Variants in OSBPL9 observed in about 807,000 individuals in gnomAD.
OSBPL9 encodes the protein oxysterol binding protein like 9, also known as oxysterol-binding protein-related protein 9.
OSBPL9 carries 40 observed loss-of-function variants against 106.6 expected under a neutral mutation model. The observed-to-expected ratio is 0.38, with a 90% CI of 0.29 to 0.49. The LOEUF (loss-of-function observed/expected upper bound fraction) is 0.49. Ranked by LOEUF, OSBPL9 falls within the 20% of genes least tolerant of loss-of-function variation. The probability of loss-of-function intolerance (pLI) is 0.97; values close to 1 mark genes in which losing one functional copy is unlikely to be tolerated. For synonymous variants in OSBPL9, 269 were observed against 295.4 expected, an observed-to-expected ratio of 0.91 and a Z score of 0.92; for missense variants, 609 against 887.2, an observed-to-expected ratio of 0.69 and a Z score of 3.98.
chr1:51,625,054 A>T (rs991021379), intron 1 of OSBPL9, among the ~76,000 whole-genome samples: 2 of 152,228 alleles, frequency 1.3e-5, no homozygotes, highest in African/African-American at 4.8e-5. Flanking sequence ...AATAGCAAAT[A>T]TGTATGTTTC....
At chr1:51,750,305 A>G (rs1668968851) in intron 8 of OSBPL9, 110 bp downstream of exon 8, 4 of 638,864 alleles carry the variant, frequency 6.3e-6, no homozygotes, top group Non-Finnish European at 1.1e-5. Flanking sequence ...ACCTTTCTAC[A>G]TTAAACTGTA....
chr1:51,783,349 ATT>A (rs758238195), intron 17 of OSBPL9, among the ~76,000 whole-genome samples: 74 of 117,698 alleles, frequency 6.3e-4, no homozygotes, highest in Admixed American at 7.8e-4. Context: ...TAATTTTCTT[ATT>A]TTTTTTTTTT....
At chr1:51,560,713 G>A in the OSBPL9 span, among the ~76,000 whole-genome samples, 6 of 152,298 alleles carry the variant, frequency 3.9e-5, no homozygotes, top group East Asian at 1.9e-4. Flanking sequence ...AAAGGCTGGC[G>A]TATTGGTCCC....
chr1:51,664,153 A>G (rs1647838467), intron 2 of OSBPL9, among the ~76,000 whole-genome samples: 1 of 152,234 alleles, frequency 6.6e-6, no homozygotes. Flanking sequence ...TACATGTATA[A>G]CAAAAGATAT....
chr1:51,737,885 G>C (rs1666052213), intron 4 of OSBPL9, among the ~76,000 whole-genome samples: 1 of 152,014 alleles, frequency 6.6e-6, no homozygotes, highest in South Asian at 2.1e-4. Context: ...ATCCTATATA[G>C]AGAGGGTGAC....
intron 3 of OSBPL9, among the ~76,000 whole-genome samples, chr1:51,684,586 A>G (rs1571059647): frequency 6.6e-6 from 1 of 152,342 alleles, no homozygotes; most frequent in Admixed American, 6.5e-5. Flanking sequence ...GCTGGAGTGC[A>G]GTGGCATGAT....
intron 1 of OSBPL9, among the ~76,000 whole-genome samples, chr1:51,591,555 C>G (rs1280051283): frequency 6.6e-6 from 1 of 152,104 alleles, no homozygotes; most frequent in African/African-American, 2.4e-5. Flanking sequence ...GCCTGTAATC[C>G]CAACTCTTTG....
chr1:51,740,454 G>C (rs936974037), intron 4 of OSBPL9, among the ~76,000 whole-genome samples: 9 of 151,846 alleles, frequency 5.9e-5, no homozygotes, highest in African/African-American at 1.9e-4. Context: ...TAGGAGGCTT[G>C]TTGTGTGTTT....
chr1:51,723,941 T>TC (rs1662619536), intron 4 of OSBPL9, among the ~76,000 whole-genome samples: 1 of 152,108 alleles, frequency 6.6e-6, no homozygotes. Context: ...GGTATTTTTT[T>TC]CTCTCTCAGT....
At chr1:51,697,844 C>T (rs149249365) in intron 3 of OSBPL9, among the ~76,000 whole-genome samples, 3 of 149,002 alleles carry the variant, frequency 2.0e-5, no homozygotes, top group African/African-American at 5.0e-5. Flanking sequence ...ATATTGTTTC[C>T]ATATAAACCA....
At chr1:51,615,238 G>T (rs1385249210), upstream of OSBPL9, among the ~76,000 whole-genome samples, 1 of 152,094 alleles carries the variant, frequency 6.6e-6, no homozygotes, top group East Asian at 1.9e-4. Flanking sequence ...GGCGATAAGA[G>T]TGAAACTCCA....
At chr1:51,717,144 T>A (rs999021523) in intron 4 of OSBPL9, among the ~76,000 whole-genome samples, 2 of 152,188 alleles carry the variant, frequency 1.3e-5, no homozygotes, top group Non-Finnish European at 2.9e-5. Context: ...TTTTGTATTT[T>A]TTTGTAGAGA....
intron 1 of OSBPL9, among the ~76,000 whole-genome samples, chr1:51,636,529 G>C (rs545111098): frequency 2.0e-5 from 3 of 151,888 alleles, no homozygotes; most frequent in African/African-American, 7.3e-5. Context: ...GTAGAGATGG[G>C]GTTTCACCAT....
intron 12 of OSBPL9, 67 bp from the exon 13 acceptor site, chr1:51,772,003 G>T: frequency 8.6e-7 from 1 of 1,156,130 alleles, no homozygotes; most frequent in South Asian, 1.4e-5. Flanking sequence ...CTAACTGTAC[G>T]AGTCTAGCTT....
At chr1:51,666,930 TG>T (rs1648655865) in intron 2 of OSBPL9, among the ~76,000 whole-genome samples, 1 of 152,232 alleles carries the variant, frequency 6.6e-6, no homozygotes, top group Non-Finnish European at 1.5e-5. Flanking sequence ...AACTGTAAAG[TG>T]TCCAGACTGA....
At chr1:51,741,040 G>A (rs1049247854) in intron 4 of OSBPL9, among the ~76,000 whole-genome samples, 1 of 148,976 alleles carries the variant, frequency 6.7e-6, no homozygotes, top group Admixed American at 6.7e-5. Flanking sequence ...ACGTGTATGT[G>A]TAAAGTATAA....
chr1:51,690,846 T>C (rs181327775), intron 3 of OSBPL9, among the ~76,000 whole-genome samples: 3 of 152,386 alleles, frequency 2.0e-5, no homozygotes, highest in African/African-American at 7.2e-5. Flanking sequence ...AGTTTCATCA[T>C]TGTGCCAACA....
chr1:51,558,554 C>G, the OSBPL9 span, among the ~76,000 whole-genome samples: 3 of 152,028 alleles, frequency 2.0e-5, no homozygotes. Context: ...TCTTGTGACC[C>G]CCACCCAGGA....
chr1:51,663,295 A>AGTGTGTGT (rs10544368), intron 2 of OSBPL9, among the ~76,000 whole-genome samples: 4,785 of 148,756 alleles, frequency 0.032, 82 homozygotes, highest in South Asian at 0.047. Context: ...TATGCTGGCA[A>AGTGTGTGT]GTGTGTGTGT....
Sources: allele counts gnomAD v4.1 joint callset (sites outside exome capture counted in the v4.1 genomes callset), GRCh38; gene constraint gnomAD v4.1.1; transcripts MANE v1.5; gene names NCBI Gene and HGNC (gene_info 2026-07-23, HGNC 2026-07-21).